CMC2: variants seen among roughly 807,000 people sequenced by gnomAD.
CMC2 encodes the protein C-X9-C motif containing 2.
A neutral mutation model predicts 7.5 loss-of-function variants in CMC2; 5 were observed. The observed-to-expected ratio is 0.66, with a 90% CI of 0.35 to 1.40. The LOEUF is 1.40. CMC2 is among the 40% of genes most tolerant of loss of function. The probability of loss-of-function intolerance (pLI) is 0.04; values close to 1 mark genes in which losing one functional copy is unlikely to be tolerated. For synonymous variants in CMC2, 37 were observed against 31.4 expected (o/e 1.18, Z -0.60); for missense variants, 115 against 92.3 (o/e 1.25, Z -1.01).
intron 2 of CMC2, among the ~76,000 whole-genome samples, chr16:80,986,687 G>T (rs1238300946): frequency 6.6e-6 from 1 of 152,264 alleles, no homozygotes; most frequent in Non-Finnish European, 1.5e-5. Context: ...CCCTGGTAAG[G>T]ACTCACAGGA....
At chr16:81,005,907 G>A (rs572813582) in intron 1 of CMC2, among the ~76,000 whole-genome samples, 29 of 152,282 alleles carry the variant, frequency 1.9e-4, no homozygotes, top group African/African-American at 6.3e-4. Context: ...ATGCCCAATC[G>A]ATGTTCGCGG....
Position 80,971,804 on chromosome 16 carries a change from T to C in CMC2, c.*4289A>G, listed in dbSNP as rs1205950867. The C allele has an allele frequency of 6.6e-6, 1 of 152,062 alleles. No homozygotes were observed. The highest frequency in any genetic ancestry group is 1.9e-4 in the East Asian group (1 of 5,196). The allele number at this position is 152,062 out of a possible 1,614,324, so 9.4% of individuals were successfully genotyped here. A position where few individuals can be genotyped will look rare whatever the true frequency, so the allele number is the denominator to read the frequency against. ...AGCTATGTGAGTGTTCGTATTAGTC[T>C]GTATAGTTTTCTGTAAACCTGAAAC... On this transcript the variant is annotated 3_prime_UTR_variant, in exon 4 of 4. Coordinates refer to ENST00000219400, the MANE Select transcript of CMC2 (RefSeq NM_020188.5).
chr16:80,989,341 T>A (rs930543577), intron 2 of CMC2, among the ~76,000 whole-genome samples: 3 of 152,226 alleles, frequency 2.0e-5, no homozygotes, highest in Non-Finnish European at 4.4e-5. Context: ...TCCCTTCTCA[T>A]CCATTTATAT....
At chr16:80,981,905 T>A (rs777010370) in intron 2 of CMC2, 28 bp from the exon 3 acceptor site, 2 of 1,477,996 alleles carry the variant, frequency 1.4e-6, no homozygotes, top group South Asian at 2.3e-5. Context: ...AGTAAAATAT[T>A]TCATCCCATA....
intron 2 of CMC2, 35 bp from the exon 3 acceptor site, chr16:80,981,912 C>A: frequency 7.3e-7 from 1 of 1,366,798 alleles, no homozygotes; most frequent in South Asian, 1.2e-5. Flanking sequence ...TATTTCATCC[C>A]ATAATATGCC....
chr16:81,006,874 T>A lies in CMC2; in HGVS notation c.-176A>T. Reference sequence around the variant, plus strand: ...AGTGACGCCCTCCACCGCTCCACCGTGCTCCCGGCTCCTCGCCCCCGCCGC... The same window carrying A: ...AGTGACGCCCTCCACCGCTCCACCGAGCTCCCGGCTCCTCGCCCCCGCCGC... On this transcript the variant is annotated 5_prime_UTR_variant, in exon 1 of 4. Coordinates refer to ENST00000219400, the MANE Select transcript of CMC2 (RefSeq NM_020188.5). 3 of 985,898 alleles carry A rather than the reference T, an allele frequency of 3.0e-6. No homozygotes were observed. In the South Asian group the frequency reaches 1.4e-4, roughly 46 times the overall value. 61.1% of individuals were successfully genotyped at this position (985,898 alleles called of 1,614,324 possible).
chr16:80,980,872 G>C (rs1465146033), intron 3 of CMC2: 4 of 698,392 alleles, frequency 5.7e-6, no homozygotes, highest in African/African-American at 5.3e-5. Context: ...AGGTGACAGA[G>C]CAAGAACCTG....
intron 2 of CMC2, among the ~76,000 whole-genome samples, chr16:80,985,922 C>G (rs78407869): frequency 1.8e-5 from 1 of 55,424 alleles, no homozygotes; most frequent in African/African-American, 4.8e-5. Flanking sequence ...AAAAAAACCA[C>G]AGGAATGAAG....
rs1303464777 is a variant in CMC2 at position 80,975,535 on chromosome 16, AT to A, written c.*557del. The A allele has an allele frequency of 6.6e-6, 1 of 152,134 alleles. No individual in the cohort carries two copies. Among genetic ancestry groups the A allele is most frequent in the Admixed American group, 6.6e-5 (1 of 15,230 alleles). 9.4% of individuals were successfully genotyped at this position (152,134 alleles called of 1,614,324 possible). ...AGGCTGAGGCTGGAGAATCACTTGAATCCGGGAGGTGGAGGTTACAGTAAGC... is the reference window on the plus strand; with the variant it reads ...AGGCTGAGGCTGGAGAATCACTTGAACCGGGAGGTGGAGGTTACAGTAAGC... On this transcript the variant is annotated 3_prime_UTR_variant, in exon 4 of 4. Transcript: ENST00000219400.
intron 3 of CMC2, among the ~76,000 whole-genome samples, chr16:80,978,610 C>G (rs1360998559): frequency 6.6e-6 from 1 of 151,902 alleles, no homozygotes; most frequent in East Asian, 1.9e-4. Context: ...TGGCTCACAC[C>G]TGTAATCCAA....
chr16:80,980,885 T>C (rs1401787062), intron 3 of CMC2: 1 of 694,476 alleles, frequency 1.4e-6, no homozygotes, highest in Non-Finnish European at 2.6e-6. Flanking sequence ...AGAACCTGTC[T>C]CAAAAGAAAA....
chr16:80,980,925 C>G, intron 3 of CMC2: 1 of 655,534 alleles, frequency 1.5e-6, no homozygotes, highest in Admixed American at 2.3e-5. Context: ...TATTACTCTT[C>G]ACTGAGTACT....
intron 3 of CMC2, among the ~76,000 whole-genome samples, chr16:80,981,518 G>A (rs1967109191): frequency 6.6e-6 from 1 of 152,116 alleles, no homozygotes; most frequent in Non-Finnish European, 1.5e-5. Context: ...CTTTCTGCCG[G>A]CCAGAGATAC....
Position 80,969,053 on chromosome 16 carries a change from AAT to A in CMC2, c.*7038_*7039del, listed in dbSNP as rs1319938877. On this transcript the variant is annotated 3_prime_UTR_variant, in exon 4 of 4. Transcript: ENST00000219400. ...CTCACCTTGGGCTCTGAGCAGAAAA[AAT>A]ATGTTTCCCATTGGTAAGTTAAGTG... 2.6e-5 allele frequency: 4 copies of A among 152,204 alleles called. No homozygotes were observed. Among genetic ancestry groups the A allele is most frequent in the East Asian group, 3.8e-4 (2 of 5,198 alleles). The allele number at this position is 152,204 out of a possible 1,614,324, so 9.4% of individuals were successfully genotyped here. A position where few individuals can be genotyped will look rare whatever the true frequency, so the allele number is the denominator to read the frequency against.
intron 2 of CMC2, among the ~76,000 whole-genome samples, chr16:80,988,236 GTTGTT>G (rs988604096): frequency 2.6e-5 from 4 of 152,094 alleles, no homozygotes; most frequent in Non-Finnish European, 4.4e-5. Context: ...CAGAATTATG[GTTGTT>G]TTAAGTCACT....
chr16:80,997,024 T>C (rs1184647348), intron 2 of CMC2: 6 of 492,338 alleles, frequency 1.2e-5, no homozygotes, highest in Non-Finnish European at 2.3e-5. Context: ...TAGTGCCCTA[T>C]AATTAGGAAA....
intron 2 of CMC2, among the ~76,000 whole-genome samples, chr16:80,986,964 A>C (rs947233185): frequency 6.6e-6 from 1 of 152,208 alleles, no homozygotes; most frequent in African/African-American, 2.4e-5. Context: ...GAGTGGCCAA[A>C]AAAACTTAAG....
chr16:80,984,241 G>A (rs911432550), intron 2 of CMC2: 5 of 152,266 alleles, frequency 3.3e-5, no homozygotes, highest in South Asian at 4.1e-4. Flanking sequence ...TGCACTTCAC[G>A]ATTTTCAAGG....
At chr16:80,983,232 G>C (rs960134128) in intron 2 of CMC2, 2 of 152,194 alleles carry the variant, frequency 1.3e-5, no homozygotes, top group Non-Finnish European at 2.9e-5. Context: ...TCTCAGACAA[G>C]TTTTTGGGGA....
Sources: allele counts gnomAD v4.1 joint callset (sites outside exome capture counted in the v4.1 genomes callset), GRCh38; gene constraint gnomAD v4.1.1; transcripts MANE v1.5; gene names NCBI Gene and HGNC (gene_info 2026-07-23, HGNC 2026-07-21).